IGSF11: variants seen among roughly 807,000 people sequenced by gnomAD.
The protein encoded by IGSF11 is immunoglobulin superfamily member 11, also known as CXADR like 1.
IGSF11 carries 22 observed loss-of-function variants against 41.0 expected under a neutral mutation model. That is an observed-to-expected ratio of 0.54 (90% CI 0.38 to 0.77). The LOEUF is 0.77. Ranked by LOEUF, IGSF11 falls within the 30% of genes least tolerant of loss-of-function variation. The probability of loss-of-function intolerance (pLI) is 0.00; values close to 1 mark genes in which losing one functional copy is unlikely to be tolerated. For missense variants in IGSF11, 444 were observed against 530.8 expected (o/e 0.84, Z 1.61); for synonymous variants, 219 against 201.3 (o/e 1.09, Z -0.74).
chr3:119,139,528 C>A (rs773511421), intron 1 of IGSF11, among the ~76,000 whole-genome samples: 72 of 152,164 alleles, frequency 4.7e-4, no homozygotes, highest in Non-Finnish European at 9.3e-4. Flanking sequence ...ACAAGAGTTT[C>A]CCTGCACAAG....
intron 1 of IGSF11, among the ~76,000 whole-genome samples, chr3:119,051,711 T>C (rs1437359516): frequency 6.6e-6 from 1 of 152,296 alleles, no homozygotes; most frequent in African/African-American, 2.4e-5. Context: ...TTCTCCAAGA[T>C]AGACCATATG....
intron 1 of IGSF11, among the ~76,000 whole-genome samples, chr3:119,063,466 T>C (rs2107456282): frequency 6.6e-6 from 1 of 152,322 alleles, no homozygotes; most frequent in Non-Finnish European, 1.5e-5. Context: ...GAGGGGTTTT[T>C]TTGTTATGTT....
upstream of IGSF11, among the ~76,000 whole-genome samples, chr3:119,107,082 T>C (rs916161772): frequency 2.0e-5 from 3 of 152,238 alleles, no homozygotes; most frequent in African/African-American, 7.2e-5. Context: ...GCATGATTTA[T>C]AGTCCTTTGG....
chr3:118,989,012 T>C (rs1017025262), intron 1 of IGSF11, among the ~76,000 whole-genome samples: 18 of 152,190 alleles, frequency 1.2e-4, no homozygotes, highest in Non-Finnish European at 1.5e-5. Flanking sequence ...TGCAGGCCAG[T>C]TGTGATTATA....
chr3:118,966,630 C>T (rs1945694954), intron 1 of IGSF11, among the ~76,000 whole-genome samples: 1 of 152,072 alleles, frequency 6.6e-6, no homozygotes, highest in Non-Finnish European at 1.5e-5. Context: ...TTATAAGGAT[C>T]GCCAGGTTCG....
At chr3:119,131,271 G>A (rs1405632290) in intron 1 of IGSF11, among the ~76,000 whole-genome samples, 1 of 152,100 alleles carries the variant, frequency 6.6e-6, no homozygotes, top group East Asian at 1.9e-4. Context: ...AAAGGAGGAT[G>A]TTCTAACCCA....
chr3:119,114,023 G>C (rs6791956), intron 1 of IGSF11, among the ~76,000 whole-genome samples: 48,985 of 152,112 alleles, frequency 0.32, 7,996 homozygotes, highest in Admixed American at 0.37. Context: ...GCTGGAGCTG[G>C]AGCAGCTAGG....
At chr3:119,016,594 C>T (rs1938714990) in intron 1 of IGSF11, among the ~76,000 whole-genome samples, 2 of 152,102 alleles carry the variant, frequency 1.3e-5, no homozygotes, top group Admixed American at 1.3e-4. Flanking sequence ...CCATAGCTAC[C>T]AAAGGATAAT....
At chr3:119,085,715 G>C (rs916520055) in intron 1 of IGSF11, among the ~76,000 whole-genome samples, 5 of 152,218 alleles carry the variant, frequency 3.3e-5, no homozygotes, top group Non-Finnish European at 7.3e-5. Context: ...AACTTCTTGA[G>C]CTGAAGACTT....
chr3:119,110,413 C>T (rs7640810), intron 1 of IGSF11, among the ~76,000 whole-genome samples: 7,357 of 152,036 alleles, frequency 0.048, 224 homozygotes, highest in South Asian at 0.095. Flanking sequence ...GGATTACAAC[C>T]CCTGCCTTTT....
chr3:118,903,264 A>G (rs1379054580), intron 6 of IGSF11, among the ~76,000 whole-genome samples: 1 of 152,156 alleles, frequency 6.6e-6, no homozygotes, highest in African/African-American at 2.4e-5. Context: ...ATATGTAAAT[A>G]ACATTCACAT....
chr3:119,051,030 A>C (rs2107434617), intron 1 of IGSF11, among the ~76,000 whole-genome samples: 1 of 151,374 alleles, frequency 6.6e-6, no homozygotes, highest in South Asian at 2.1e-4. Flanking sequence ...TGGCATTGGG[A>C]GATATACCTA....
At chr3:119,064,511 CTTTTTT>C (rs779910295) in intron 1 of IGSF11, among the ~76,000 whole-genome samples, 3 of 101,398 alleles carry the variant, frequency 3.0e-5, no homozygotes, top group Non-Finnish European at 5.9e-5. Flanking sequence ...CTTGGCTGCT[CTTTTTT>C]TTTTTTTTTT....
chr3:118,983,986 A>C (rs1317543264), intron 1 of IGSF11, among the ~76,000 whole-genome samples: 1 of 152,016 alleles, frequency 6.6e-6, no homozygotes, highest in South Asian at 2.1e-4. Context: ...GGTAGGGGGA[A>C]GTCCACTCTC....
chr3:119,009,850 A>G lies in IGSF11; in HGVS notation c.52+24681T>C, dbSNP rs75398650. Among the ~76,000 whole-genome samples, 3 of 152,310 alleles carry G rather than the reference A, an allele frequency of 2.0e-5. No homozygotes were observed. In the East Asian group the frequency reaches 5.8e-4, roughly 29 times the overall value. ...AATTGGGAAAAGGCAAGGTACTATAAGGAACGTAACATCTACCTTGACATC... is the reference window on the plus strand; with the variant it reads ...AATTGGGAAAAGGCAAGGTACTATAGGGAACGTAACATCTACCTTGACATC... On this transcript the variant is annotated intron_variant, in intron 1 of 6. Coordinates refer to ENST00000393775, the MANE Select transcript of IGSF11 (RefSeq NM_001015887.3).
At chr3:118,956,557 A>G (rs528607464) in intron 1 of IGSF11, among the ~76,000 whole-genome samples, 1 of 152,310 alleles carries the variant, frequency 6.6e-6, no homozygotes, top group African/African-American at 2.4e-5. Flanking sequence ...GACAGAGGGG[A>G]GAAAGACAGG....
chr3:119,138,018 A>G (rs948443516), intron 1 of IGSF11, among the ~76,000 whole-genome samples: 26 of 152,268 alleles, frequency 1.7e-4, no homozygotes, highest in African/African-American at 5.1e-4. Flanking sequence ...GTGACATCTC[A>G]CCCCAGTTAA....
At chr3:118,935,351 CAT>C (rs1943176777) in intron 1 of IGSF11, among the ~76,000 whole-genome samples, 2 of 132,614 alleles carry the variant, frequency 1.5e-5, no homozygotes, top group East Asian at 2.2e-4. Context: ...TATATATATA[CAT>C]GTATATACAC....
chr3:118,944,455 AATAC>A (rs1943956433), intron 1 of IGSF11, among the ~76,000 whole-genome samples: 1 of 95,316 alleles, frequency 1.0e-5, no homozygotes, highest in Non-Finnish European at 2.0e-5. Flanking sequence ...CTTAGCTTGA[AATAC>A]ACACACACAC....
Sources: gnomAD v4.1 joint callset for allele counts (sites outside exome capture counted in the v4.1 genomes callset) on GRCh38, gnomAD v4.1.1 for gene constraint, MANE v1.5 for transcripts, NCBI Gene and HGNC (gene_info 2026-07-23, HGNC 2026-07-21) for gene names.